The following PEA15 variants were observed in gnomAD, a reference collection of about 807,000 sequenced individuals.
PEA15 encodes proliferation and apoptosis adaptor protein 15.
For synonymous variants in PEA15, 60 were observed against 61.8 expected (o/e 0.97, Z 0.13); for missense variants, 77 against 161.3 (o/e 0.48, Z 2.83).
chr1:160,212,882 GA>G (rs1231478017), intron 2 of PEA15, among the ~76,000 whole-genome samples: 1 of 152,152 alleles, frequency 6.6e-6, no homozygotes, highest in African/African-American at 2.4e-5. Flanking sequence ...CCACAATCTA[GA>G]AACTTCACTG....
Position 160,213,518 on chromosome 1 carries a change from C to A in PEA15, c.*32C>A. 1 of 1,589,652 alleles carries A rather than the reference C, an allele frequency of 6.3e-7. No individual in the cohort carries two copies. The highest frequency in any genetic ancestry group is 1.1e-5 in the South Asian group (1 of 90,586). On this transcript the variant is annotated 3_prime_UTR_variant, in exon 4 of 4. Transcript: ENST00000360472. The surrounding 1 kb of genome is among the most constrained non-coding windows in gnomAD (Gnocchi z 5.3). ...GGGAGGAAGAGGAGGAAGGTTGGAC[C>A]TTCATCAGACCACTCCCTTCCCCCA...
rs1047429653 is a variant in PEA15 at position 160,205,908 on chromosome 1, G to A, written c.-3+386G>A. Reference sequence around the variant, plus strand: ...CGGCCCAGCCCTGTCTCGGTTCCGCGGGCGGCTGGTACCATGTGCCCTCAC... The same window carrying A: ...CGGCCCAGCCCTGTCTCGGTTCCGCAGGCGGCTGGTACCATGTGCCCTCAC... On this transcript the variant is annotated intron_variant, in intron 1 of 3. Coordinates refer to ENST00000360472, the MANE Select transcript of PEA15 (RefSeq NM_003768.5). The surrounding 1 kb of genome is among the most constrained non-coding windows in gnomAD (Gnocchi z 5.9). 8 of 152,334 alleles carry A rather than the reference G, an allele frequency of 5.3e-5. No homozygotes were observed. The highest frequency in any genetic ancestry group is 5.2e-4 in the Admixed American group (8 of 15,306). The allele number at this position is 152,334 out of a possible 1,614,324, so 9.4% of individuals were successfully genotyped here. A position where few individuals can be genotyped will look rare whatever the true frequency, so the allele number is the denominator to read the frequency against.
At chr1:160,206,047 A>T (rs1223192511) in intron 1 of PEA15, 1 of 152,272 alleles carries the variant, frequency 6.6e-6, no homozygotes, top group African/African-American at 2.4e-5. Flanking sequence ...AACCCTTATT[A>T]ATTTCATATA....
intron 2 of PEA15, 148 bp from the exon 3 acceptor site, chr1:160,212,962 T>C (rs1387303824): frequency 2.7e-6 from 2 of 733,858 alleles, no homozygotes; most frequent in Non-Finnish European, 4.7e-6. Flanking sequence ...TTTCTTCTCC[T>C]GGATTAGTAG....
rs1315115321 is a variant in PEA15 at position 160,213,611 on chromosome 1, A to C, written c.*125A>C. 2.9e-6 allele frequency: 2 copies of C among 679,866 alleles called. No homozygotes were observed. Among genetic ancestry groups the C allele is most frequent in the Admixed American group, 4.6e-5 (2 of 43,220 alleles). The allele number at this position is 679,866 out of a possible 1,614,324, so 42.1% of individuals were successfully genotyped here. ...TTACTAACCTGGTCCTAACCCCCTTACTGTGCGCGTGTGTGTGCGTGTGCG... is the reference window on the plus strand; with the variant it reads ...TTACTAACCTGGTCCTAACCCCCTTCCTGTGCGCGTGTGTGTGCGTGTGCG... On this transcript the variant is annotated 3_prime_UTR_variant, in exon 4 of 4. Transcript: ENST00000360472. This position sits in a 1 kb window ranked among gnomAD's most constrained non-coding sequence, Gnocchi z 5.3.
Position 160,208,960 on chromosome 1 carries a change from T to C in PEA15, c.-2-2583T>C. The C allele has an allele frequency of 2.6e-6, 1 of 382,914 alleles. No homozygotes were observed. Among genetic ancestry groups the C allele is most frequent in the Admixed American group, 4.0e-5 (1 of 25,002 alleles). 23.7% of individuals were successfully genotyped at this position (382,914 alleles called of 1,614,324 possible). The stretch of plus-strand genomic sequence containing the variant: ...ATGAGGCTACAGCCTTCTATAGTTG[T>C]GGACTGTATGCTCTCCTCCCCCTCG... On this transcript the variant is annotated intron_variant, in intron 1 of 3. Transcript: ENST00000360472. The surrounding 1 kb of genome is among the most constrained non-coding windows in gnomAD (Gnocchi z 4.1).
In PEA15 at chr1:160,214,515, A is replaced by G. The variant is rs936339474; in HGVS notation, c.*1029A>G. ...GGGCTTGTGAACACCTCCTAGCCAC[A>G]TCACTACAGTACAGTGAGTGACCCC... is the stretch of plus-strand genomic sequence containing the variant. On this transcript the variant is annotated 3_prime_UTR_variant, in exon 4 of 4. Transcript: ENST00000360472. 6.6e-6 allele frequency: 1 copy of G among 152,588 alleles called. No homozygotes were observed. Among genetic ancestry groups the G allele is most frequent in the African/African-American group, 2.4e-5 (1 of 41,402 alleles). 9.5% of individuals were successfully genotyped at this position (152,588 alleles called of 1,614,324 possible). A position where few individuals can be genotyped will look rare whatever the true frequency, so the allele number is the denominator to read the frequency against.
At position 160,208,609 on chromosome 1, in the gene PEA15, A is replaced by G. The variant is rs1375969354; in HGVS notation, c.-2-2934A>G. ...ATCTCTGGTGAGGAAAGTGACATGG[A>G]GGATGAAGGAAACAAGCTCTGCCAA... On this transcript the variant is annotated intron_variant, in intron 1 of 3. Coordinates refer to ENST00000360472, the MANE Select transcript of PEA15 (RefSeq NM_003768.5). The surrounding 1 kb of genome is among the most constrained non-coding windows in gnomAD (Gnocchi z 4.1). 6.5e-6 allele frequency: 10 copies of G among 1,550,344 alleles called. No homozygotes were observed. Among genetic ancestry groups the G allele is most frequent in the Non-Finnish European group, 8.7e-6 (10 of 1,146,860 alleles).
At chr1:160,211,781 A>G (rs1654885927) in intron 2 of PEA15, 65 bp downstream of exon 2, 3 of 1,499,246 alleles carry the variant, frequency 2.0e-6, no homozygotes, top group East Asian at 4.5e-5. Context: ...CAGCAAATAG[A>G]GATGAGCTCA....
Position 160,213,491 on chromosome 1 carries a change from G to GGGGGAGGAA in PEA15, c.*7_*15dup. The GGGGGAGGAA allele has an allele frequency of 6.2e-7, 1 of 1,613,620 alleles. No homozygotes were observed. On this transcript the variant is annotated 3_prime_UTR_variant, in exon 4 of 4. Transcript: ENST00000360472. This position sits in a 1 kb window ranked among gnomAD's most constrained non-coding sequence, Gnocchi z 5.3. ...CCCCCACCGAAGAAGGCCTGAGCAA[G>GGGGGAGGAA]GGGGAGGAAGAGGAGGAAGGTTGGA...
rs1439048457 is a variant in PEA15, at chr1:160,211,602, C to G, written c.58C>G (p.Leu20Val). ...DLTNNITLEDLEQLKSACKED... is the reference protein window; with the variant it reads ...DLTNNITLEDVEQLKSACKED... ...GACCAACAACATCACCCTTGAAGATCTAGAACAGCTCAAGTCGGCCTGCAA... is the reference window on the plus strand; with the variant it reads ...GACCAACAACATCACCCTTGAAGATGTAGAACAGCTCAAGTCGGCCTGCAA... Residue 20 changes from leucine to valine, a missense_variant, in exon 2 of 4, where the codon CTA (leucine) becomes GTA (valine). Coordinates refer to ENST00000360472, the MANE Select transcript of PEA15 (RefSeq NM_003768.5). The G allele has an allele frequency of 6.2e-7, 1 of 1,614,020 alleles. No homozygotes were observed. The highest frequency in any genetic ancestry group is 8.5e-7 in the Non-Finnish European group (1 of 1,180,012).
chr1:160,207,388 A>G (rs1353787357), intron 1 of PEA15, among the ~76,000 whole-genome samples: 2 of 152,188 alleles, frequency 1.3e-5, no homozygotes, highest in African/African-American at 2.4e-5. Context: ...AGAAGAGTGG[A>G]AACAGAGATG....
rs2101691965 is a variant in PEA15, at chr1:160,208,644, T to TGGCCA, written c.-2-2892_-2-2888dup. ...AAACAAGCTCTGCCAAGCCCCACCATGGCCAGGCCAGACCAGCCCAGGTAC... is the reference window on the plus strand; with the variant it reads ...AAACAAGCTCTGCCAAGCCCCACCATGGCCAGGCCAGGCCAGACCAGCCCAGGTAC... On this transcript the variant is annotated intron_variant, in intron 1 of 3. Transcript: ENST00000360472. This position sits in a 1 kb window ranked among gnomAD's most constrained non-coding sequence, Gnocchi z 4.1. 3 of 1,550,500 alleles carry TGGCCA rather than the reference T, an allele frequency of 1.9e-6. No homozygotes were observed.
chr1:160,213,304 C>CG lies in PEA15; in HGVS notation c.328+40dup. The CG allele has an allele frequency of 6.2e-7, 1 of 1,613,880 alleles. No homozygotes were observed. Among genetic ancestry groups the CG allele is most frequent in the African/African-American group, 1.3e-5 (1 of 75,042 alleles). On this transcript the variant is annotated intron_variant, in intron 3 of 3. Transcript: ENST00000360472. The surrounding 1 kb of genome is among the most constrained non-coding windows in gnomAD (Gnocchi z 5.3). ...CCTTTAACTAGCTGCACCTCTGCCTCGTCCCGTTGACTATCCTTGGAGTAC... is the reference window on the plus strand; with the variant it reads ...CCTTTAACTAGCTGCACCTCTGCCTCGGTCCCGTTGACTATCCTTGGAGTAC...
chr1:160,211,582 A>G lies in PEA15; in HGVS notation c.38A>G (p.Asn13Ser). 3 of 1,613,900 alleles carry G rather than the reference A, an allele frequency of 1.9e-6. No homozygotes were observed. The Admixed American group carries it at 5.0e-5, about 27-fold the overall frequency. ...EYGTLLQDLTNNITLEDLEQL... is the reference protein window; with the variant it reads ...EYGTLLQDLTSNITLEDLEQL... ...GGGACCCTCCTGCAAGACCTGACCA[A>G]CAACATCACCCTTGAAGATCTAGAA... is the stretch of plus-strand genomic sequence containing the variant. The change falls in exon 2 of 4, where the codon AAC (asparagine) becomes AGC (serine). Residue 13 changes from asparagine to serine, a missense_variant. Physicochemically the swap from Asn to Ser is conservative, Grantham distance 46. Coordinates refer to ENST00000360472, the MANE Select transcript of PEA15 (RefSeq NM_003768.5).
At chr1:160,207,580 T>C (rs1654655475) in intron 1 of PEA15, among the ~76,000 whole-genome samples, 1 of 152,206 alleles carries the variant, frequency 6.6e-6, no homozygotes. Flanking sequence ...CTTCTTGGAC[T>C]GAAGTGAACA....
Position 160,214,277 on chromosome 1 carries a change from G to C in PEA15, c.*791G>C, listed in dbSNP as rs1255405868. On this transcript the variant is annotated 3_prime_UTR_variant, in exon 4 of 4. Transcript: ENST00000360472. ...TAAACCTAGGGAGGTTGAAGAATGA[G>C]ACCCTTAGGTTTTAACACGAATCCT... is the stretch of plus-strand genomic sequence containing the variant. 1.3e-5 allele frequency: 2 copies of C among 152,588 alleles called. No homozygotes were observed. The highest frequency in any genetic ancestry group is 2.9e-5 in the Non-Finnish European group (2 of 68,034). The allele number at this position is 152,588 out of a possible 1,614,324, so 9.5% of individuals were successfully genotyped here.
intron 1 of PEA15, among the ~76,000 whole-genome samples, chr1:160,206,918 C>T (rs1654620475): frequency 6.6e-6 from 1 of 152,186 alleles, no homozygotes; most frequent in South Asian, 2.1e-4. Context: ...CCCTAGGCTG[C>T]AGGCTTCCCT....
At chr1:160,211,280 G>A in intron 1 of PEA15, 1 of 1,149,562 alleles carries the variant, frequency 8.7e-7, no homozygotes, top group East Asian at 4.4e-5. Context: ...TGTTAGAGGG[G>A]GAAAACAGAA....
Sources: allele counts gnomAD v4.1 joint callset (sites outside exome capture counted in the v4.1 genomes callset), GRCh38; gene constraint gnomAD v4.1.1; non-coding constraint Gnocchi (gnomAD v3.1); transcripts MANE v1.5; gene names NCBI Gene and HGNC (gene_info 2026-07-23, HGNC 2026-07-21).